The following NR5A2 variants were observed in gnomAD, a reference collection of about 807,000 sequenced individuals.
The protein encoded by NR5A2 is CYP7A promoter-binding factor.
Under a neutral mutation model 62.7 loss-of-function variants are expected in NR5A2, and 26 were observed. The observed-to-expected ratio is 0.41, with a 90% confidence interval of 0.30 to 0.58. The LOEUF (loss-of-function observed/expected upper bound fraction) is 0.58, where lower values mean the gene tolerates loss of function less well. Ranked by LOEUF, NR5A2 falls within the 20% of genes least tolerant of loss-of-function variation. The pLI, the probability that NR5A2 is intolerant of heterozygous loss-of-function variation, is 0.22. For missense variants in NR5A2, 541 were observed against 669.1 expected (o/e 0.81, Z 2.11); for synonymous variants, 246 against 241.7 (o/e 1.02, Z -0.16).
intron 7 of NR5A2, among the ~76,000 whole-genome samples, chr1:200,144,063 T>C (rs909848236): frequency 1.3e-5 from 2 of 152,134 alleles, no homozygotes; most frequent in Admixed American, 6.5e-5. Context: ...GTCATTGATA[T>C]GTTTGTAACA....
intron 7 of NR5A2, among the ~76,000 whole-genome samples, chr1:200,160,477 G>T (rs531755696): frequency 3.7e-4 from 57 of 152,306 alleles, no homozygotes; most frequent in Middle Eastern, 3.4e-3. Flanking sequence ...AAGTGGAGCT[G>T]AATCGGGCTC....
chr1:200,154,763 C>A (rs1653299149), intron 7 of NR5A2, among the ~76,000 whole-genome samples: 1 of 152,168 alleles, frequency 6.6e-6, no homozygotes, highest in African/African-American at 2.4e-5. Flanking sequence ...TAGGAAGGGT[C>A]TTCTAGAGAT....
At chr1:200,061,960 T>C (rs1663240777) in intron 5 of NR5A2, among the ~76,000 whole-genome samples, 1 of 152,184 alleles carries the variant, frequency 6.6e-6, no homozygotes, top group Admixed American at 6.5e-5. Flanking sequence ...TGGTAGACAC[T>C]GGATACATGT....
Position 200,175,105 on chromosome 1 carries a change from G to T in NR5A2, c.*895G>T, listed in dbSNP as rs773506551. 6.6e-6 allele frequency: 1 copy of T among 152,588 alleles called. No individual in the cohort carries two copies. Among genetic ancestry groups the T allele is most frequent in the African/African-American group, 2.4e-5 (1 of 41,418 alleles). The allele number at this position is 152,588 out of a possible 1,614,324, so 9.5% of individuals were successfully genotyped here. On this transcript the variant is annotated 3_prime_UTR_variant, in exon 8 of 8. Transcript: ENST00000367362. ...TAAAAAATTTCTGGCAGGAAGTCTTGTTAGTATACATCAGTCTTTTTCATC... is the reference window on the plus strand; with the variant it reads ...TAAAAAATTTCTGGCAGGAAGTCTTTTTAGTATACATCAGTCTTTTTCATC...
At position 200,157,829 on chromosome 1, in the gene NR5A2, G is replaced by A. The variant is rs986778079; in HGVS notation, c.1379-16134G>A. On this transcript the variant is annotated intron_variant, in intron 7 of 7. Transcript: ENST00000367362. ...CAGAATCAGTGTTGATCCACTGCATGATTTTTCCCCCTTCATTTCAACCTC... is the reference window on the plus strand; with the variant it reads ...CAGAATCAGTGTTGATCCACTGCATAATTTTTCCCCCTTCATTTCAACCTC... Among the ~76,000 whole-genome samples the A allele has an allele frequency of 2.6e-5, 4 of 152,130 alleles. No homozygotes were observed. In the South Asian group the frequency reaches 6.2e-4, roughly 24 times the overall value.
intron 7 of NR5A2, among the ~76,000 whole-genome samples, chr1:200,137,251 A>T (rs1157801028): frequency 6.6e-6 from 1 of 151,950 alleles, no homozygotes; most frequent in African/African-American, 2.4e-5. Context: ...CCCAGGTTCA[A>T]GCAGTTCTCC....
intron 5 of NR5A2, among the ~76,000 whole-genome samples, chr1:200,056,830 A>G (rs1235483870): frequency 2.6e-5 from 4 of 152,154 alleles, no homozygotes; most frequent in Admixed American, 2.6e-4. Flanking sequence ...GAGAATAGCG[A>G]GGCACACCCA....
At chr1:200,168,197 C>T (rs1341984320) in intron 7 of NR5A2, among the ~76,000 whole-genome samples, 2 of 150,426 alleles carry the variant, frequency 1.3e-5, no homozygotes, top group Non-Finnish European at 3.0e-5. Context: ...ATAGTATATA[C>T]ACTTTATATC....
At chr1:200,125,956 C>G (rs1666681691) in intron 7 of NR5A2, among the ~76,000 whole-genome samples, 1 of 152,026 alleles carries the variant, frequency 6.6e-6, no homozygotes, top group Non-Finnish European at 1.5e-5. Flanking sequence ...TCAAATGATC[C>G]TCTCGCCTCA....
chr1:200,078,392 T>G (rs1324898829), intron 5 of NR5A2, among the ~76,000 whole-genome samples: 6 of 152,194 alleles, frequency 3.9e-5, no homozygotes, highest in Non-Finnish European at 8.8e-5. Context: ...TTGTTTGTAG[T>G]TATTTTAATT....
At chr1:200,052,799 G>GC (rs371704848) in intron 5 of NR5A2, among the ~76,000 whole-genome samples, 6,487 of 151,912 alleles carry the variant, frequency 0.043, 458 homozygotes, top group African/African-American at 0.14. Flanking sequence ...CTGCCACCAC[G>GC]CCGGCTAATT....
chr1:200,040,207 C>A (rs1661999978), intron 2 of NR5A2, among the ~76,000 whole-genome samples: 1 of 152,064 alleles, frequency 6.6e-6, no homozygotes, highest in Admixed American at 6.5e-5. Context: ...GGGAGGCGAC[C>A]CAGTCTAGGA....
In NR5A2 at chr1:200,048,132, T is replaced by G; in HGVS notation, c.464-40T>G. 1 of 1,536,642 alleles carries G rather than the reference T, an allele frequency of 6.5e-7. No homozygotes were observed. The highest frequency in any genetic ancestry group is 2.3e-5 in the East Asian group (1 of 44,286). The stretch of plus-strand genomic sequence containing the variant: ...AGAATGCTAATAATTTGCACCTTAT[T>G]TATACCTTTCCTTCCTTCCCCCCAC... On this transcript the variant is annotated intron_variant, in intron 4 of 7. Coordinates refer to ENST00000367362, the MANE Select transcript of NR5A2 (RefSeq NM_205860.3). The surrounding 1 kb of genome is among the most constrained non-coding windows in gnomAD (Gnocchi z 4.8).
At chr1:200,148,444 G>T (rs530878159) in intron 7 of NR5A2, among the ~76,000 whole-genome samples, 1 of 152,156 alleles carries the variant, frequency 6.6e-6, no homozygotes, top group Non-Finnish European at 1.5e-5. Flanking sequence ...GAAGACACCA[G>T]CCCCAGGCAG....
chr1:200,089,106 T>C (rs1184599249), intron 5 of NR5A2, among the ~76,000 whole-genome samples: 1 of 152,236 alleles, frequency 6.6e-6, no homozygotes, highest in Non-Finnish European at 1.5e-5. Flanking sequence ...TATGCCATAC[T>C]TTCTCTCGCA....
intron 5 of NR5A2, among the ~76,000 whole-genome samples, chr1:200,065,336 G>A (rs1000967700): frequency 6.6e-6 from 1 of 151,730 alleles, no homozygotes; most frequent in Non-Finnish European, 1.5e-5. Context: ...GAGAGACAGG[G>A]TTTCACCATG....
chr1:200,111,208 G>T lies in NR5A2; in HGVS notation c.1117G>T (p.Asp373Tyr). 1 of 1,610,070 alleles carries T rather than the reference G, an allele frequency of 6.2e-7. No homozygotes were observed. The highest frequency in any genetic ancestry group is 1.1e-5 in the South Asian group (1 of 89,562). ...GTTTCTATTTCTTTTGCAGGTTGATGACCAAATGAAGCTGCTTCAGAACTG... is the reference window on the plus strand; with the variant it reads ...GTTTCTATTTCTTTTGCAGGTTGATTACCAAATGAAGCTGCTTCAGAACTG... ...SIFFRELKVD[D>Y]QMKLLQNCWS... Residue 373 changes from aspartate to tyrosine, a missense_variant, in exon 6 of 8, where the codon GAC (aspartate) becomes TAC (tyrosine). By Grantham distance (160) the Asp-to-Tyr change is radical (BLOSUM62 -3). Around this residue, in one of 3 missense-constraint regions of NR5A2, gnomAD observed 379 missense variants for 442.0 expected, o/e 0.86. Transcript: ENST00000367362.
chr1:200,086,423 C>A (rs1664529439), intron 5 of NR5A2, among the ~76,000 whole-genome samples: 1 of 152,056 alleles, frequency 6.6e-6, no homozygotes. Context: ...CCTGCCTCAG[C>A]TTCCCGAGTA....
intron 1 of NR5A2, among the ~76,000 whole-genome samples, chr1:200,030,217 T>C (rs1010425929): frequency 6.6e-6 from 1 of 152,194 alleles, no homozygotes; most frequent in African/African-American, 2.4e-5. Context: ...CCGGTGTATG[T>C]AGACATCAGT....
Sources: allele counts gnomAD v4.1 joint callset (sites outside exome capture counted in the v4.1 genomes callset), GRCh38; gene constraint gnomAD v4.1.1; regional missense constraint gnomAD v4.1.1; non-coding constraint Gnocchi (gnomAD v3.1); transcripts MANE v1.5; gene names NCBI Gene and HGNC (gene_info 2026-07-23, HGNC 2026-07-21).